Variants in FSTL5 observed in about 807,000 individuals in gnomAD.
The protein encoded by FSTL5 is follistatin like 5.
FSTL5 carries 62 observed loss-of-function variants against 89.1 expected under a neutral mutation model. The observed-to-expected ratio is 0.70, with a 90% CI of 0.57 to 0.86. The LOEUF is 0.86. Among genes scored for constraint, FSTL5 ranks in the 40% least tolerant of loss-of-function variants. The pLI is 0.00. For synonymous variants in FSTL5, 383 were observed against 346.2 expected (o/e 1.11, Z -1.18); for missense variants, 1,057 against 1,001.6 (o/e 1.06, Z -0.75).
chr4:161,733,793 C>A (rs1329313293), intron 6 of FSTL5, among the ~76,000 whole-genome samples: 5 of 151,726 alleles, frequency 3.3e-5, no homozygotes, highest in South Asian at 2.1e-4. Flanking sequence ...CTTTTATAAT[C>A]AAAACTTATT....
chr4:161,417,198 C>T (rs74517678), intron 15 of FSTL5, among the ~76,000 whole-genome samples: 7,216 of 152,192 alleles, frequency 0.047, 434 homozygotes, highest in East Asian at 0.19. Context: ...GCAGAAATAA[C>T]GCTATTTTAT....
intron 2 of FSTL5, among the ~76,000 whole-genome samples, chr4:162,055,697 G>C (rs951802558): frequency 6.6e-6 from 1 of 151,624 alleles, no homozygotes; most frequent in African/African-American, 2.4e-5. Context: ...CAATTTTGGA[G>C]AAAAAAAGGT....
At chr4:162,110,667 C>T (rs1731400284) in intron 2 of FSTL5, among the ~76,000 whole-genome samples, 2 of 151,540 alleles carry the variant, frequency 1.3e-5, no homozygotes, top group Non-Finnish European at 3.0e-5. Flanking sequence ...GCTGTTAAAA[C>T]ATTAGCTTAA....
chr4:162,055,660 A>C lies in FSTL5; in HGVS notation c.127-22002T>G, dbSNP rs547337905. On this transcript the variant is annotated intron_variant, in intron 2 of 15. Transcript: ENST00000306100. ...TTAATTTTTTCATTGAAACATTTGG[A>C]AGTGTGATGACTAAGAACTGATAAA... Among the ~76,000 whole-genome samples, 22 of 151,982 alleles carry C rather than the reference A, an allele frequency of 1.4e-4. 2 individuals are homozygous for C. In the South Asian group the frequency reaches 2.9e-3, roughly 20 times the overall value.
At chr4:162,083,762 G>A (rs530718977) in intron 2 of FSTL5, among the ~76,000 whole-genome samples, 165 of 151,678 alleles carry the variant, frequency 1.1e-3, no homozygotes, top group Middle Eastern at 6.8e-3. Flanking sequence ...TAACAAAATA[G>A]GCACAATCAA....
intron 15 of FSTL5, among the ~76,000 whole-genome samples, chr4:161,431,683 A>G (rs1340023930): frequency 6.6e-6 from 1 of 152,100 alleles, no homozygotes; most frequent in African/African-American, 2.4e-5. Context: ...TGAATGGATA[A>G]AGAAAACAAG....
intron 13 of FSTL5, among the ~76,000 whole-genome samples, chr4:161,474,829 G>C (rs1412882131): frequency 6.6e-6 from 1 of 152,172 alleles, no homozygotes; most frequent in East Asian, 1.9e-4. Context: ...ACAGGCATGA[G>C]TCACTGTGCT....
intron 3 of FSTL5, among the ~76,000 whole-genome samples, chr4:161,971,827 T>C (rs1456038666): frequency 6.6e-6 from 1 of 152,160 alleles, no homozygotes; most frequent in East Asian, 1.9e-4. Context: ...AATACTAACA[T>C]CTTTTCTCCA....
At chr4:161,880,848 T>C (rs1324487922) in intron 4 of FSTL5, among the ~76,000 whole-genome samples, 1 of 152,110 alleles carries the variant, frequency 6.6e-6, no homozygotes, top group African/African-American at 2.4e-5. Context: ...GGCAAAACTA[T>C]AGGGACAGAG....
At chr4:161,580,690 T>C (rs1733404219) in intron 8 of FSTL5, among the ~76,000 whole-genome samples, 1 of 152,180 alleles carries the variant, frequency 6.6e-6, no homozygotes, top group Non-Finnish European at 1.5e-5. Context: ...TTAATGATGA[T>C]TCCTAAGGAC....
intron 2 of FSTL5, among the ~76,000 whole-genome samples, chr4:162,051,117 T>C (rs1160887945): frequency 2.0e-4 from 31 of 151,606 alleles, no homozygotes; most frequent in Admixed American, 2.0e-3. Flanking sequence ...TGTGTATGTG[T>C]ACTTGGTTCA....
intron 12 of FSTL5, among the ~76,000 whole-genome samples, chr4:161,493,294 G>T (rs1166631379): frequency 3.3e-5 from 5 of 151,502 alleles, no homozygotes; most frequent in Admixed American, 1.3e-4. Context: ...TCTCATAGAA[G>T]AACACGAACA....
intron 8 of FSTL5, among the ~76,000 whole-genome samples, chr4:161,552,822 A>T (rs909181986): frequency 6.6e-6 from 1 of 151,760 alleles, no homozygotes; most frequent in Non-Finnish European, 1.5e-5. Context: ...AAAGTAGCTT[A>T]CTTTTCCCAG....
intron 15 of FSTL5, among the ~76,000 whole-genome samples, chr4:161,437,329 G>A (rs1222479633): frequency 6.6e-6 from 1 of 152,050 alleles, no homozygotes; most frequent in Non-Finnish European, 1.5e-5. Context: ...CACTTTGGGA[G>A]GCCGAGGCGG....
Position 161,510,405 on chromosome 4 carries a change from T to G in FSTL5, c.1332A>C (p.Arg444Ser). The change falls in exon 11 of 16, where the codon AGA becomes AGC. Residue 444 changes from arginine to serine, a missense_variant. By Grantham distance (110) the Arg-to-Ser change is moderately radical. Transcript: ENST00000306100. ...AATAATTCAACTTAGTACCTTCTTCTCTCCATAATATGTTAGCTACTGCAG... is the reference window on the plus strand; with the variant it reads ...AATAATTCAACTTAGTACCTTCTTCGCTCCATAATATGTTAGCTACTGCAG... ...ARKTLANILW[R>S]EEGLGIGNMF... 1 of 1,534,438 alleles carries G rather than the reference T, an allele frequency of 6.5e-7. No homozygotes were observed. The highest frequency in any genetic ancestry group is 8.8e-7 in the Non-Finnish European group (1 of 1,141,102).
intron 4 of FSTL5, among the ~76,000 whole-genome samples, chr4:161,852,273 A>C (rs1731578481): frequency 6.6e-6 from 1 of 152,180 alleles, no homozygotes; most frequent in Admixed American, 6.5e-5. Flanking sequence ...GCATATTTAA[A>C]AATGATAGAA....
chr4:162,127,416 T>G (rs1226293057), intron 1 of FSTL5, among the ~76,000 whole-genome samples: 1 of 152,208 alleles, frequency 6.6e-6, no homozygotes, highest in Admixed American at 6.5e-5. Context: ...TTCATCTGTA[T>G]CTATTAGACC....
At chr4:161,900,063 A>C (rs1362242364) in intron 4 of FSTL5, among the ~76,000 whole-genome samples, 1 of 152,058 alleles carries the variant, frequency 6.6e-6, no homozygotes, top group Non-Finnish European at 1.5e-5. Flanking sequence ...GTGTGGTGGC[A>C]CACACCTGTA....
At position 161,386,232 on chromosome 4, in the gene FSTL5, T is replaced by A. The variant is rs769702969; in HGVS notation, c.2059A>T (p.Ile687Phe). 2.5e-6 allele frequency: 4 copies of A among 1,613,922 alleles called. No homozygotes were observed. The African/African-American group carries it at 5.3e-5, about 22-fold the overall frequency. Residue 687 changes from isoleucine to phenylalanine, a missense_variant, in exon 16 of 16, where the codon ATT (isoleucine) becomes TTT (phenylalanine). Coordinates refer to ENST00000306100, the MANE Select transcript of FSTL5 (RefSeq NM_020116.5). ...VMVDGVTDSVIGFNSDVTGTP... is the reference protein window; with the variant it reads ...VMVDGVTDSVFGFNSDVTGTP... ...CCCGTCACATCACTATTGAACCCAA[T>A]GACTGAGTCAGTTACACCGTCCACC...
Sources: allele counts gnomAD v4.1 joint callset (sites outside exome capture counted in the v4.1 genomes callset), GRCh38; gene constraint gnomAD v4.1.1; transcripts MANE v1.5; gene names NCBI Gene and HGNC (gene_info 2026-07-23, HGNC 2026-07-21).